SEL1L3: variants seen among roughly 807,000 people sequenced by gnomAD.
SEL1L3 encodes the protein SEL1L family member 3.
Under a neutral mutation model 142.8 loss-of-function variants are expected in SEL1L3, and 76 were observed. The observed-to-expected ratio is 0.53, with a 90% confidence interval of 0.44 to 0.64. The LOEUF is 0.64. Ranked by LOEUF, SEL1L3 falls within the 30% of genes least tolerant of loss-of-function variation. The pLI is 0.00. For missense variants in SEL1L3, 1,262 were observed against 1,381.7 expected (o/e 0.91, Z 1.37); for synonymous variants, 504 against 519.6 (o/e 0.97, Z 0.41).
chr4:25,829,034 G>A (rs1378820169), intron 6 of SEL1L3, among the ~76,000 whole-genome samples: 1 of 152,110 alleles, frequency 6.6e-6, no homozygotes, highest in African/African-American at 2.4e-5. Context: ...GTGCAGTGGC[G>A]CCATCTCAGC....
chr4:25,760,159 G>A (rs937253793), intron 20 of SEL1L3, among the ~76,000 whole-genome samples: 9 of 152,104 alleles, frequency 5.9e-5, no homozygotes, highest in Non-Finnish European at 1.3e-4. Context: ...CCCACTAAGC[G>A]AGAATATGTG....
intron 6 of SEL1L3, among the ~76,000 whole-genome samples, chr4:25,824,367 A>T (rs1315746713): frequency 6.6e-6 from 1 of 152,180 alleles, no homozygotes; most frequent in East Asian, 1.9e-4. Flanking sequence ...CGGGATGCTC[A>T]CCGCCTCACT....
At chr4:25,845,757 C>T (rs960701601) in intron 2 of SEL1L3, among the ~76,000 whole-genome samples, 5 of 151,830 alleles carry the variant, frequency 3.3e-5, no homozygotes, top group African/African-American at 1.2e-4. Flanking sequence ...GTCCCAAACC[C>T]ATCCTGTTGA....
chr4:25,808,923 A>T (rs1713816460), intron 9 of SEL1L3, among the ~76,000 whole-genome samples: 1 of 42,564 alleles, frequency 2.3e-5, no homozygotes, highest in African/African-American at 8.6e-5. Flanking sequence ...ACAAAAAAAA[A>T]TTAGCAGGGT....
chr4:25,760,526 GT>G (rs963237737), intron 20 of SEL1L3, among the ~76,000 whole-genome samples: 10 of 152,146 alleles, frequency 6.6e-5, no homozygotes, highest in African/African-American at 2.4e-4. Flanking sequence ...GTGCATAAGT[GT>G]TATTTCTCTT....
the SEL1L3 span, among the ~76,000 whole-genome samples, chr4:25,726,746 C>T: frequency 1.3e-5 from 2 of 151,772 alleles, no homozygotes; most frequent in Non-Finnish European, 2.9e-5. Context: ...CACAGAATTC[C>T]TAGAAACATT....
At chr4:25,732,919 T>C in the SEL1L3 span, among the ~76,000 whole-genome samples, 1 of 152,142 alleles carries the variant, frequency 6.6e-6, no homozygotes, top group African/African-American at 2.4e-5. Flanking sequence ...CTAATTTTTA[T>C]ATTTTCAGTA....
intron 11 of SEL1L3, among the ~76,000 whole-genome samples, chr4:25,800,820 C>A (rs180797635): frequency 1.0e-3 from 159 of 152,278 alleles, no homozygotes; most frequent in Non-Finnish European, 1.7e-3. Flanking sequence ...CATAGACAGC[C>A]TTTTGGTGTT....
At chr4:25,742,585 C>T (rs909976785), downstream of SEL1L3, among the ~76,000 whole-genome samples, 1 of 152,158 alleles carries the variant, frequency 6.6e-6, no homozygotes, top group African/African-American at 2.4e-5. Flanking sequence ...CGTGAGCCAC[C>T]GCACCCGGCC....
At chr4:25,862,497 C>T (rs1717789369) in intron 1 of SEL1L3, among the ~76,000 whole-genome samples, 178 bp downstream of exon 1, 1 of 152,104 alleles carries the variant, frequency 6.6e-6, no homozygotes, top group African/African-American at 2.4e-5. Context: ...CCAAGCGCCC[C>T]TCTCCACGCC....
intron 23 of SEL1L3, among the ~76,000 whole-genome samples, chr4:25,749,123 C>A (rs936021950): frequency 2.0e-5 from 3 of 152,032 alleles, no homozygotes; most frequent in African/African-American, 4.8e-5. Context: ...TAACAAGGGA[C>A]CTTGGGATAG....
downstream of SEL1L3, among the ~76,000 whole-genome samples, chr4:25,745,662 T>A (rs1717239551): frequency 6.6e-6 from 1 of 152,212 alleles, no homozygotes; most frequent in African/African-American, 2.4e-5. Flanking sequence ...AGGCCAGAGA[T>A]GCTGTTTAGC....
At chr4:25,750,665 A>G (rs138648746) in intron 23 of SEL1L3, among the ~76,000 whole-genome samples, 151 of 152,266 alleles carry the variant, frequency 9.9e-4, no homozygotes, top group African/African-American at 3.4e-3. Flanking sequence ...ACAGAGTACA[A>G]CCTCCTCATG....
chr4:25,832,890 C>G, intron 5 of SEL1L3, 105 bp downstream of exon 5: 1 of 672,334 alleles, frequency 1.5e-6, no homozygotes, highest in Admixed American at 2.5e-5. Context: ...TATCATTTAC[C>G]ACAAATTTGC....
In SEL1L3 at chr4:25,835,133, C is replaced by A. The variant is rs1049712557; in HGVS notation, c.860+64G>T. The A allele has an allele frequency of 5.0e-6, 8 of 1,592,654 alleles. No individual in the cohort carries two copies. In the African/African-American group the frequency reaches 9.4e-5, roughly 19 times the overall value. On this transcript the variant is annotated intron_variant, in intron 3 of 23. Transcript: ENST00000399878. ...CTTCCTAAGGAATTCTTCCACTAGC[C>A]TGCTCTGGTCCTCAAATAAAACAAG...
intron 1 of SEL1L3, among the ~76,000 whole-genome samples, chr4:25,853,621 T>G (rs2109319471): frequency 6.6e-6 from 1 of 151,920 alleles, no homozygotes; most frequent in Non-Finnish European, 1.5e-5. Flanking sequence ...ATACACTGAG[T>G]TAAATAAAAT....
chr4:25,781,933 T>C (rs1036242626), intron 15 of SEL1L3, among the ~76,000 whole-genome samples: 1 of 152,222 alleles, frequency 6.6e-6, no homozygotes, highest in Non-Finnish European at 1.5e-5. Context: ...CGCTTATTCC[T>C]GTCCTGCGTC....
At chr4:25,789,417 A>C (rs1712116885) in intron 12 of SEL1L3, among the ~76,000 whole-genome samples, 1 of 151,932 alleles carries the variant, frequency 6.6e-6, no homozygotes, top group South Asian at 2.1e-4. Flanking sequence ...CCATTTCTAC[A>C]AAAAAATTAA....
At chr4:25,817,171 G>A (rs979104814) in intron 9 of SEL1L3, among the ~76,000 whole-genome samples, 1 of 152,204 alleles carries the variant, frequency 6.6e-6, no homozygotes, top group African/African-American at 2.4e-5. Context: ...TTCTTTGCAG[G>A]ATGGTCACTA....
Sources: allele counts gnomAD v4.1 joint callset (sites outside exome capture counted in the v4.1 genomes callset), GRCh38; gene constraint gnomAD v4.1.1; transcripts MANE v1.5; gene names NCBI Gene and HGNC (gene_info 2026-07-23, HGNC 2026-07-21).